The following CNTLN variants were observed in gnomAD, a reference collection of about 807,000 sequenced individuals.
The protein encoded by CNTLN is centlein.
CNTLN carries 212 observed loss-of-function variants against 180.0 expected under a neutral mutation model. That is an observed-to-expected ratio of 1.18 (90% CI 1.05 to 1.32). CNTLN has a LOEUF of 1.32. Among genes scored for constraint, CNTLN ranks in the 40% most tolerant of loss-of-function variants. The pLI is 0.00. For synonymous variants in CNTLN, 722 were observed against 563.1 expected, an observed-to-expected ratio of 1.28 and a Z score of -3.99; for missense variants, 2,095 against 1,610.9, an observed-to-expected ratio of 1.30 and a Z score of -5.14.
intron 8 of CNTLN, among the ~76,000 whole-genome samples, chr9:17,318,252 G>GC (rs1819665263): frequency 6.6e-6 from 1 of 151,786 alleles, no homozygotes; most frequent in Admixed American, 6.6e-5. Flanking sequence ...GATGGTCTCG[G>GC]TTTCCTGACC....
At chr9:17,154,931 C>T (rs1480413204) in intron 2 of CNTLN, among the ~76,000 whole-genome samples, 2 of 152,228 alleles carry the variant, frequency 1.3e-5, no homozygotes, top group African/African-American at 2.4e-5. Flanking sequence ...CTGCTGCTCA[C>T]TCTTTGGGTC....
At chr9:17,328,478 C>T (rs10756868) in intron 8 of CNTLN, among the ~76,000 whole-genome samples, 43,674 of 152,018 alleles carry the variant, frequency 0.29, 6,655 homozygotes, top group South Asian at 0.52. Flanking sequence ...TGAATTCCCT[C>T]CTTACCACTC....
In CNTLN at chr9:17,340,717, A is replaced by G. The variant is rs183762894; in HGVS notation, c.1645-110A>G. ...ACATATTACAGATTCATTTATGTTT[A>G]CACACTATTTTCTTTCAAATTTCAT... On this transcript the variant is annotated intron_variant, in intron 10 of 25. Coordinates refer to ENST00000380647, the MANE Select transcript of CNTLN (RefSeq NM_017738.4). The G allele has an allele frequency of 1.9e-3, 1,579 of 821,846 alleles. 4 individuals carry two copies. Among genetic ancestry groups the G allele is most frequent in the Non-Finnish European group, 2.3e-3 (1,332 of 572,118 alleles). 50.9% of individuals were successfully genotyped at this position (821,846 alleles called of 1,614,324 possible). A position where few individuals can be genotyped will look rare whatever the true frequency, so the allele number is the denominator to read the frequency against.
intron 12 of CNTLN, among the ~76,000 whole-genome samples, chr9:17,354,574 G>A (rs2133325585): frequency 6.6e-6 from 1 of 152,262 alleles, no homozygotes; most frequent in South Asian, 2.1e-4. Flanking sequence ...GCTCTGGTGG[G>A]GCCTTGGAGA....
At chr9:17,236,274 T>A in intron 4 of CNTLN, 135 bp from the exon 5 acceptor site, 1 of 664,844 alleles carries the variant, frequency 1.5e-6, no homozygotes, top group Non-Finnish European at 2.4e-6. Flanking sequence ...CAGGTGACCT[T>A]GGCTATCAAA....
chr9:17,293,743 C>T (rs1286764618), intron 6 of CNTLN, among the ~76,000 whole-genome samples: 1 of 152,140 alleles, frequency 6.6e-6, no homozygotes, highest in African/African-American at 2.4e-5. Flanking sequence ...GATGACCTCC[C>T]CTTCCATTAG....
At chr9:17,288,022 A>T (rs1829104260) in intron 6 of CNTLN, among the ~76,000 whole-genome samples, 1 of 138,056 alleles carries the variant, frequency 7.2e-6, no homozygotes. Flanking sequence ...TTCTGCTCTG[A>T]TGTTAGTTAT....
chr9:17,416,215 G>C, intron 18 of CNTLN, 26 bp downstream of exon 18: 2 of 1,530,194 alleles, frequency 1.3e-6, no homozygotes, highest in Non-Finnish European at 1.8e-6. Context: ...AGATTGAACA[G>C]TAGTATACTA....
chr9:17,453,352 A>G lies in CNTLN; in HGVS notation c.3115-4172A>G, dbSNP rs151176041. Among the ~76,000 whole-genome samples, 60 of 152,326 alleles carry G rather than the reference A, an allele frequency of 3.9e-4. No homozygotes were observed. The East Asian group carries it at 0.011, about 28-fold the overall frequency. Reference sequence around the variant, plus strand: ...CAGTTTGTAAAGCAATTGAATAAATAAAATGAATACAAAATTATGGATAAA... The same window carrying G: ...CAGTTTGTAAAGCAATTGAATAAATGAAATGAATACAAAATTATGGATAAA... On this transcript the variant is annotated intron_variant, in intron 18 of 25. Transcript: ENST00000380647.
intron 6 of CNTLN, among the ~76,000 whole-genome samples, chr9:17,293,781 G>A (rs645117): frequency 0.49 from 73,857 of 151,940 alleles, 18,975 homozygotes; most frequent in South Asian, 0.7. Context: ...GTAGTCACCA[G>A]CCCATTGGCT....
rs1344809498 is a variant in CNTLN, at chr9:17,463,078, C to T, written c.3404+65C>T. 5.6e-6 allele frequency: 5 copies of T among 897,472 alleles called. 1 individual carries two copies. Among genetic ancestry groups the T allele is most frequent in the East Asian group, 2.7e-5 (1 of 36,834 alleles). The allele number at this position is 897,472 out of a possible 1,614,324, so 55.6% of individuals were successfully genotyped here. A position where few individuals can be genotyped will look rare whatever the true frequency, so the allele number is the denominator to read the frequency against. ...CCTAGTGGCAACCAGCTCTATTAAACGTGCTCCAAGAAACTGCTAATGTTT... is the reference window on the plus strand; with the variant it reads ...CCTAGTGGCAACCAGCTCTATTAAATGTGCTCCAAGAAACTGCTAATGTTT... On this transcript the variant is annotated intron_variant, in intron 20 of 25. Coordinates refer to ENST00000380647, the MANE Select transcript of CNTLN (RefSeq NM_017738.4).
intron 24 of CNTLN, 104 bp downstream of exon 24, chr9:17,484,584 G>C: frequency 2.2e-6 from 2 of 916,742 alleles, no homozygotes; most frequent in Non-Finnish European, 1.6e-6. Context: ...CTTTAAGAGA[G>C]TGTTAATGAT....
At position 17,178,671 on chromosome 9, in the gene CNTLN, G is replaced by T. The variant is rs569300469; in HGVS notation, c.449+35295G>T. ...CCCGGGGCCTGCCGGCTGGCCGGCC[G>T]CTCCAAGTGCGGGGACCACCGAGCC... On this transcript the variant is annotated intron_variant, in intron 2 of 25. Transcript: ENST00000380647. Among the ~76,000 whole-genome samples the T allele has an allele frequency of 3.4e-3, 387 of 112,978 alleles. 2 individuals carry two copies. The highest frequency in any genetic ancestry group is 6.9e-3 in the Non-Finnish European group (352 of 50,888). The allele number at this position is 112,978 out of a possible 152,430, so 74.1% of individuals were successfully genotyped here. A position where few individuals can be genotyped will look rare whatever the true frequency, so the allele number is the denominator to read the frequency against.
In CNTLN at chr9:17,295,987, AGAGAGAGAGAGTGTGTGT is replaced by A. The variant is rs1377756765; in HGVS notation, c.984-2201_984-2184del. Reference sequence around the variant, plus strand: ...TCTTCAGTGAGAGAGAGAGAGAGAGAGAGAGAGAGAGTGTGTGTGTGTGTGTGTGTGTGTGTGTGTGTG... The same window carrying A: ...TCTTCAGTGAGAGAGAGAGAGAGAGAGTGTGTGTGTGTGTGTGTGTGTGTG... On this transcript the variant is annotated intron_variant, in intron 6 of 25. Transcript: ENST00000380647. Among the ~76,000 whole-genome samples the A allele has an allele frequency of 2.4e-3, 293 of 123,888 alleles. 2 individuals carry two copies. The highest frequency in any genetic ancestry group is 8.8e-3 in the African/African-American group (270 of 30,674). 81.3% of individuals were successfully genotyped at this position (123,888 alleles called of 152,430 possible). A position where few individuals can be genotyped will look rare whatever the true frequency, so the allele number is the denominator to read the frequency against.
At chr9:17,363,583 A>T (rs1040521901) in intron 12 of CNTLN, among the ~76,000 whole-genome samples, 1 of 151,596 alleles carries the variant, frequency 6.6e-6, no homozygotes, top group African/African-American at 2.4e-5. Flanking sequence ...TCTTGAAATT[A>T]TAACATACAT....
chr9:17,488,404 A>T (rs112705180), intron 25 of CNTLN, among the ~76,000 whole-genome samples: 73 of 152,244 alleles, frequency 4.8e-4, no homozygotes, highest in Middle Eastern at 3.4e-3. Flanking sequence ...AGAATTCAAT[A>T]ATGATTGTAA....
At chr9:17,384,750 T>C (rs533230210) in intron 13 of CNTLN, among the ~76,000 whole-genome samples, 1 of 152,220 alleles carries the variant, frequency 6.6e-6, no homozygotes, top group African/African-American at 2.4e-5. Flanking sequence ...TATTGCCTAT[T>C]TATCCCCAAT....
intron 3 of CNTLN, among the ~76,000 whole-genome samples, chr9:17,227,104 A>G (rs1259109437): frequency 6.6e-6 from 1 of 151,582 alleles, no homozygotes; most frequent in Non-Finnish European, 1.5e-5. Flanking sequence ...CTTTTAAACA[A>G]CGAGAGCTCA....
chr9:17,204,322 T>A (rs7870682), intron 2 of CNTLN, among the ~76,000 whole-genome samples: 35,951 of 152,084 alleles, frequency 0.24, 5,186 homozygotes, highest in East Asian at 0.52. Flanking sequence ...TTGAGGTTGA[T>A]GACCTTTGGA....
Sources: allele counts gnomAD v4.1 joint callset (sites outside exome capture counted in the v4.1 genomes callset), GRCh38; gene constraint gnomAD v4.1.1; transcripts MANE v1.5; gene names NCBI Gene and HGNC (gene_info 2026-07-23, HGNC 2026-07-21).